The following PHACTR1 variants were observed in gnomAD, a reference collection of about 807,000 sequenced individuals.
PHACTR1 encodes the protein phosphatase and actin regulator 1, also known as RPEL repeat containing 1.
In PHACTR1, 16 loss-of-function variants were observed where a neutral mutation model predicts 69.2. The ratio of observed to expected loss-of-function variants is 0.23; its 90% CI spans 0.16 to 0.35. The LOEUF is 0.35. Among genes scored for constraint, PHACTR1 ranks in the 10% least tolerant of loss-of-function variants. The pLI is 1.00. For missense variants in PHACTR1, 510 were observed against 734.7 expected (o/e 0.69, Z 3.54); for synonymous variants, 312 against 284.5 (o/e 1.10, Z -0.97).
chr6:13,038,326 T>G (rs1283499654), intron 4 of PHACTR1, among the ~76,000 whole-genome samples: 1 of 151,974 alleles, frequency 6.6e-6, no homozygotes, highest in Non-Finnish European at 1.5e-5. Context: ...TCAATGGTAG[T>G]TAGAGCCATA....
intron 4 of PHACTR1, among the ~76,000 whole-genome samples, chr6:13,051,896 G>A (rs1004296990): frequency 6.6e-6 from 1 of 152,126 alleles, no homozygotes; most frequent in Non-Finnish European, 1.5e-5. Context: ...TTAATCAAAT[G>A]ATTGAAAAGA....
intron 4 of PHACTR1, 108 bp downstream of exon 4, chr6:12,749,898 G>A: frequency 1.8e-6 from 2 of 1,105,490 alleles, no homozygotes; most frequent in Non-Finnish European, 2.5e-6. Context: ...CCCCGCAGTC[G>A]GGCGCTCAGC....
At position 12,887,579 on chromosome 6, in the gene PHACTR1, G is replaced by A. The variant is rs143647445; in HGVS notation, c.250+137789G>A. ...ACCCCCAACATGGAGCATGACATTC[G>A]CTCTTTGTGGTTTTCTTACTCATGC... On this transcript the variant is annotated intron_variant, in intron 4 of 14. Transcript: ENST00000332995. Among the ~76,000 whole-genome samples, 140 of 152,176 alleles carry A rather than the reference G, an allele frequency of 9.2e-4. 3 individuals carry two copies. The East Asian group carries it at 0.023, about 25-fold the overall frequency.
chr6:13,016,907 C>A (rs997147649), intron 4 of PHACTR1, among the ~76,000 whole-genome samples: 12 of 152,194 alleles, frequency 7.9e-5, no homozygotes, highest in African/African-American at 2.7e-4. Context: ...CAAGATGCGG[C>A]TGGGCGCGGT....
intron 4 of PHACTR1, among the ~76,000 whole-genome samples, chr6:12,801,123 T>A (rs1455554471): frequency 6.6e-6 from 1 of 152,212 alleles, no homozygotes. Context: ...TGCCTTAAAT[T>A]AATCATTTGT....
At position 13,182,531 on chromosome 6, in the gene PHACTR1, C is replaced by T. The variant is rs1446644238; in HGVS notation, c.509C>T (p.Ser170Phe). The T allele has an allele frequency of 3.7e-6, 6 of 1,613,930 alleles. No individual in the cohort carries two copies. The highest frequency in any genetic ancestry group is 5.1e-6 in the Non-Finnish European group (6 of 1,179,844). The change falls in exon 7 of 15, where the codon TCT (serine) becomes TTT (phenylalanine). Residue 170 changes from serine to phenylalanine, a missense_variant. Coordinates refer to ENST00000332995, the MANE Select transcript of PHACTR1 (RefSeq NM_030948.6). ...KEIYDKDGEL[S>F]ISNEEDSLEN... ...TTCTCTCTGACAGATGGGGAACTCT[C>T]TATATCCAATGAAGAGGACTCCCTA...
At chr6:12,949,823 A>C (rs1727807273) in intron 4 of PHACTR1, among the ~76,000 whole-genome samples, 1 of 152,080 alleles carries the variant, frequency 6.6e-6, no homozygotes, top group Non-Finnish European at 1.5e-5. Flanking sequence ...TCATACCACT[A>C]CACACACACA....
intron 4 of PHACTR1, among the ~76,000 whole-genome samples, chr6:12,912,480 G>A (rs1786523240): frequency 6.6e-6 from 1 of 152,152 alleles, no homozygotes; most frequent in South Asian, 2.1e-4. Flanking sequence ...GGTAATTTTA[G>A]TGCATACCTC....
At chr6:13,207,550 G>T (rs1444415352) in intron 8 of PHACTR1, among the ~76,000 whole-genome samples, 2 of 152,134 alleles carry the variant, frequency 1.3e-5, no homozygotes, top group Non-Finnish European at 2.9e-5. Context: ...TCTCAAACTG[G>T]TTCTCAATTA....
intron 5 of PHACTR1, among the ~76,000 whole-genome samples, chr6:13,147,697 C>A (rs1229078421): frequency 6.6e-6 from 1 of 152,152 alleles, no homozygotes; most frequent in African/African-American, 2.4e-5. Context: ...TGGCCAGCTG[C>A]ATGATTTCAT....
chr6:12,949,759 T>A lies in PHACTR1; in HGVS notation c.251-103606T>A, dbSNP rs113399259. ...AAGATTTAGTATAAAAGTAAACAGC[T>A]TCTGTGGTTTGAAAAAAAATCACGA... On this transcript the variant is annotated intron_variant, in intron 4 of 14. Transcript: ENST00000332995. 8.0e-3 allele frequency among the ~76,000 whole-genome samples: 1,221 copies of A among 152,306 alleles called. 15 individuals carry two copies. Among genetic ancestry groups the A allele is most frequent in the African/African-American group, 0.028 (1,157 of 41,548 alleles).
chr6:13,184,727 G>C (rs1243467983), intron 7 of PHACTR1: 1 of 1,218,104 alleles, frequency 8.2e-7, no homozygotes, highest in East Asian at 4.7e-5. Flanking sequence ...TCCCTGTCCT[G>C]TGTTCCCCGC....
chr6:13,013,792 C>T (rs1299739879), intron 4 of PHACTR1, among the ~76,000 whole-genome samples: 2 of 149,404 alleles, frequency 1.3e-5, no homozygotes, highest in Non-Finnish European at 3.0e-5. Context: ...GCGGCCGGCG[C>T]GGGCGGGGCG....
chr6:12,734,125 T>TC (rs979433505), intron 3 of PHACTR1, among the ~76,000 whole-genome samples: 31 of 152,216 alleles, frequency 2.0e-4, no homozygotes, highest in Non-Finnish European at 4.4e-4. Flanking sequence ...AACATTTGTT[T>TC]CCCGCCTACC....
intron 4 of PHACTR1, among the ~76,000 whole-genome samples, chr6:12,947,475 C>T (rs1487592514): frequency 6.6e-6 from 1 of 151,800 alleles, no homozygotes; most frequent in Non-Finnish European, 1.5e-5. Context: ...GAAAAAACAA[C>T]ATTCTTATTT....
chr6:13,230,285 C>G, intron 10 of PHACTR1, 92 bp downstream of exon 10: 1 of 1,541,590 alleles, frequency 6.5e-7, no homozygotes, highest in Non-Finnish European at 8.8e-7. Flanking sequence ...GGCGCAGTAG[C>G]TTATGCCTGT....
chr6:13,247,365 G>GTGTGTGTC (rs1773721490), intron 10 of PHACTR1, among the ~76,000 whole-genome samples: 1 of 144,962 alleles, frequency 6.9e-6, no homozygotes, highest in Non-Finnish European at 1.5e-5. Context: ...GTGTGTGTGT[G>GTGTGTGTC]ACGGAGTTTC....
chr6:12,819,633 C>T (rs1447768924), intron 4 of PHACTR1, among the ~76,000 whole-genome samples: 1 of 151,890 alleles, frequency 6.6e-6, no homozygotes, highest in African/African-American at 2.4e-5. Flanking sequence ...TTCTGATGAC[C>T]AAATGAAATT....
intron 4 of PHACTR1, among the ~76,000 whole-genome samples, chr6:12,966,874 T>C (rs9473120): frequency 0.51 from 77,644 of 152,148 alleles, 22,979 homozygotes; most frequent in African/African-American, 0.82. Flanking sequence ...CTTACAGATG[T>C]GCTCGTGAAC....
Sources: gnomAD v4.1 joint callset for allele counts (sites outside exome capture counted in the v4.1 genomes callset) on GRCh38, gnomAD v4.1.1 for gene constraint, MANE v1.5 for transcripts, NCBI Gene and HGNC (gene_info 2026-07-23, HGNC 2026-07-21) for gene names.